Variants in MCM9 observed in about 807,000 individuals in gnomAD.
The protein encoded by MCM9 is minichromosome maintenance 9 homologous recombination repair factor.
Under a neutral mutation model 72.8 loss-of-function variants are expected in MCM9, and 55 were observed. The ratio of observed to expected loss-of-function variants is 0.76; its 90% CI spans 0.61 to 0.95. The LOEUF (loss-of-function observed/expected upper bound fraction) is 0.95. Among genes scored for constraint, MCM9 ranks in the 40% least tolerant of loss-of-function variants. MCM9 has a pLI of 0.00. For synonymous variants in MCM9, 480 were observed against 503.4 expected, an observed-to-expected ratio of 0.95 and a Z score of 0.62; for missense variants, 1,279 against 1,377.0, an observed-to-expected ratio of 0.93 and a Z score of 1.13.
Position 118,911,650 on chromosome 6 carries a change from C to A in MCM9, c.1150G>T (p.Gly384Cys). The change falls in exon 8 of 14, where the codon GGT (glycine) becomes TGT (cysteine). Residue 384 changes from glycine to cysteine, a missense_variant and splice_region_variant. Gly to Cys is a radical substitution (Grantham distance 159, BLOSUM62 -3). Coordinates refer to ENST00000619706, the MANE Select transcript of MCM9 (RefSeq NM_017696.3). The stretch of plus-strand genomic sequence containing the variant: ...TACTTGAAATTGTCACATACAATAC[C>A]TGCACTAGTAGATCCAATTCCTGTG... ...LTTGIGSTSA[G>C]LTVTAVKDSG... is the part of the protein sequence containing the mutation. 1 of 1,607,562 alleles carries A rather than the reference C, an allele frequency of 6.2e-7. No individual in the cohort carries two copies. Among genetic ancestry groups the A allele is most frequent in the Non-Finnish European group, 8.5e-7 (1 of 1,176,688 alleles).
intron 8 of MCM9, among the ~76,000 whole-genome samples, chr6:118,880,610 A>G (rs139705508): frequency 6.8e-4 from 104 of 152,364 alleles, no homozygotes; most frequent in African/African-American, 2.3e-3. Flanking sequence ...GAAGGAAAAC[A>G]AAGTTGTCTC....
chr6:118,819,787 T>C (rs1773670314), intron 13 of MCM9, among the ~76,000 whole-genome samples: 1 of 152,212 alleles, frequency 6.6e-6, no homozygotes, highest in Non-Finnish European at 1.5e-5. Context: ...AATTACTGCC[T>C]CACTTTCAGA....
At chr6:118,856,640 A>T in intron 8 of MCM9, 95 bp from the exon 9 acceptor site, 1 of 1,317,596 alleles carries the variant, frequency 7.6e-7, no homozygotes, top group Non-Finnish European at 1.0e-6. Flanking sequence ...GCAGTTTAGG[A>T]GGCTGAGGTG....
chr6:118,879,067 A>T (rs543599491), intron 8 of MCM9, among the ~76,000 whole-genome samples: 1 of 152,284 alleles, frequency 6.6e-6, no homozygotes, highest in East Asian at 1.9e-4. Flanking sequence ...AAAACAAAAC[A>T]AAACAGACAA....
At position 118,886,218 on chromosome 6, in the gene MCM9, G is replaced by C. The variant is rs545327849; in HGVS notation, c.1150+25432C>G. ...AGCATCTAAAAAAACCTCACAGCTA[G>C]TATCATTTTTAGTGATAAAGGACTG... On this transcript the variant is annotated intron_variant, in intron 8 of 13. Coordinates refer to ENST00000619706, the MANE Select transcript of MCM9 (RefSeq NM_017696.3). Among the ~76,000 whole-genome samples the C allele has an allele frequency of 1.0e-3, 155 of 152,232 alleles. 1 individual carries two copies. The highest frequency in any genetic ancestry group is 3.4e-3 in the African/African-American group (142 of 41,558).
chr6:118,896,432 A>G (rs776601629), intron 8 of MCM9, among the ~76,000 whole-genome samples: 6 of 152,194 alleles, frequency 3.9e-5, no homozygotes, highest in Admixed American at 1.3e-4. Context: ...CTGAACAAAG[A>G]AGATAGATGA....
intron 8 of MCM9, among the ~76,000 whole-genome samples, chr6:118,883,069 C>CAAAAAAAAAA (rs36162403): frequency 4.3e-5 from 2 of 46,158 alleles, no homozygotes; most frequent in African/African-American, 7.4e-5. Context: ...CTCAAAGATG[C>CAAAAAAAAAA]AAAAAAAAAA....
chr6:118,837,175 T>C (rs929646487), intron 9 of MCM9, among the ~76,000 whole-genome samples: 12 of 152,252 alleles, frequency 7.9e-5, no homozygotes, highest in African/African-American at 1.2e-4. Flanking sequence ...TGTGCAGTTT[T>C]GAATGAGTTT....
At chr6:118,929,581 G>A (rs1203520809) in intron 3 of MCM9, among the ~76,000 whole-genome samples, 1 of 152,252 alleles carries the variant, frequency 6.6e-6, no homozygotes, top group Middle Eastern at 3.4e-3. Context: ...AGTATGGAAA[G>A]GTATCTGAAA....
At chr6:118,888,215 G>A (rs1388099453) in intron 8 of MCM9, among the ~76,000 whole-genome samples, 1 of 152,154 alleles carries the variant, frequency 6.6e-6, no homozygotes, top group Non-Finnish European at 1.5e-5. Context: ...GGCCGGGCAT[G>A]GTGGCTCATG....
At chr6:118,858,157 C>T (rs1583452526) in intron 8 of MCM9, among the ~76,000 whole-genome samples, 1 of 152,174 alleles carries the variant, frequency 6.6e-6, no homozygotes, top group South Asian at 2.1e-4. Flanking sequence ...AAAAGGATAA[C>T]AGATTATAGC....
chr6:118,889,878 C>T (rs1778835097), intron 8 of MCM9, among the ~76,000 whole-genome samples: 1 of 152,208 alleles, frequency 6.6e-6, no homozygotes, highest in Admixed American at 6.5e-5. Flanking sequence ...CAACAAACTT[C>T]TAACACAATG....
chr6:118,883,890 A>G (rs1202999694), intron 8 of MCM9, among the ~76,000 whole-genome samples: 1 of 152,230 alleles, frequency 6.6e-6, no homozygotes, highest in East Asian at 1.9e-4. Flanking sequence ...AAATTGAAAA[A>G]AGAATGAGCA....
chr6:118,817,245 C>A (rs1270071882), intron 13 of MCM9, among the ~76,000 whole-genome samples: 2 of 151,480 alleles, frequency 1.3e-5, no homozygotes, highest in East Asian at 3.9e-4. Flanking sequence ...AGGTTTTAAG[C>A]CCCACACGCA....
chr6:118,915,566 G>A (rs1475323787), intron 6 of MCM9, among the ~76,000 whole-genome samples: 1 of 152,136 alleles, frequency 6.6e-6, no homozygotes, highest in Admixed American at 6.5e-5. Flanking sequence ...ACAGGATCAG[G>A]TCTTAAGCAA....
intron 13 of MCM9, among the ~76,000 whole-genome samples, chr6:118,816,693 C>T (rs188962143): frequency 9.2e-5 from 14 of 152,304 alleles, no homozygotes; most frequent in Admixed American, 7.8e-4. Context: ...TAGCTGATTG[C>T]TGACCAAGTA....
At chr6:118,873,141 C>T (rs1179737614) in intron 8 of MCM9, among the ~76,000 whole-genome samples, 5 of 135,714 alleles carry the variant, frequency 3.7e-5, no homozygotes, top group Non-Finnish European at 7.7e-5. Context: ...CACTGAACTC[C>T]AGCCTAGGTA....
chr6:118,821,048 G>T (rs1450410623), intron 13 of MCM9, among the ~76,000 whole-genome samples: 1 of 152,078 alleles, frequency 6.6e-6, no homozygotes, highest in Non-Finnish European at 1.5e-5. Context: ...CCTGAATACA[G>T]CACACTGATG....
chr6:118,847,971 G>C (rs2114650301), intron 9 of MCM9, among the ~76,000 whole-genome samples: 1 of 151,958 alleles, frequency 6.6e-6, no homozygotes, highest in South Asian at 2.1e-4. Context: ...CATTTTTCAA[G>C]TGTCAATGCT....
Sources: allele counts gnomAD v4.1 joint callset (sites outside exome capture counted in the v4.1 genomes callset), GRCh38; gene constraint gnomAD v4.1.1; transcripts MANE v1.5; gene names NCBI Gene and HGNC (gene_info 2026-07-23, HGNC 2026-07-21).